The following NPAS3 variants were observed in gnomAD, a reference collection of about 807,000 sequenced individuals.
NPAS3 encodes the protein neuronal PAS domain-containing protein 3.
In NPAS3, 14 loss-of-function variants were observed where a neutral mutation model predicts 73.1. The ratio of observed to expected loss-of-function variants is 0.19; its 90% CI spans 0.13 to 0.30. The LOEUF is 0.30. Among genes scored for constraint, NPAS3 ranks in the 10% least tolerant of loss-of-function variants. The pLI, the probability that NPAS3 is intolerant of heterozygous loss-of-function variation, is 1.00. For missense variants in NPAS3, 1,096 were observed against 1,250.0 expected (o/e 0.88, Z 1.86); for synonymous variants, 620 against 541.5 (o/e 1.14, Z -2.01).
intron 4 of NPAS3, among the ~76,000 whole-genome samples, chr14:33,533,894 G>A (rs1276493222): frequency 2.6e-5 from 4 of 151,844 alleles, no homozygotes; most frequent in Admixed American, 2.6e-4. Flanking sequence ...ATATATAAAT[G>A]TATATGACAA....
At chr14:33,172,215 G>A (rs2045417412) in intron 2 of NPAS3, among the ~76,000 whole-genome samples, 1 of 152,138 alleles carries the variant, frequency 6.6e-6, no homozygotes, top group African/African-American at 2.4e-5. Context: ...TTGGAAAGAT[G>A]GCACCGACAG....
chr14:33,458,842 G>T (rs1837513), intron 4 of NPAS3, among the ~76,000 whole-genome samples: 8 of 152,104 alleles, frequency 5.3e-5, no homozygotes, highest in Admixed American at 5.2e-4. Flanking sequence ...TACAGGAAAG[G>T]GGTCCCGATC....
At chr14:33,110,295 C>G (rs1012229336) in intron 2 of NPAS3, among the ~76,000 whole-genome samples, 10 of 152,086 alleles carry the variant, frequency 6.6e-5, no homozygotes, top group African/African-American at 2.4e-4. Flanking sequence ...ATTTAATATG[C>G]AATGAGTAAC....
intron 5 of NPAS3, among the ~76,000 whole-genome samples, chr14:33,646,502 T>C (rs1392447345): frequency 6.6e-6 from 1 of 152,218 alleles, no homozygotes; most frequent in Admixed American, 6.5e-5. Flanking sequence ...CTAGTATCTA[T>C]ATAATTCATA....
intron 2 of NPAS3, among the ~76,000 whole-genome samples, chr14:33,124,752 C>T (rs2043363133): frequency 6.6e-6 from 1 of 152,112 alleles, no homozygotes; most frequent in Non-Finnish European, 1.5e-5. Context: ...GGGCAAGACA[C>T]TGTCTTTTAA....
intron 3 of NPAS3, among the ~76,000 whole-genome samples, chr14:33,273,169 C>A (rs1020211250): frequency 6.6e-6 from 1 of 152,052 alleles, no homozygotes; most frequent in African/African-American, 2.4e-5. Context: ...TGTGGGCTGT[C>A]CCCTGACTCC....
intron 2 of NPAS3, among the ~76,000 whole-genome samples, chr14:33,172,639 GGCA>G (rs2045435618): frequency 6.6e-6 from 1 of 152,030 alleles, no homozygotes; most frequent in Admixed American, 6.6e-5. Flanking sequence ...GGGGGGCTGA[GGCA>G]GAAGAATAGC....
chr14:33,354,233 C>T (rs1392891190), intron 3 of NPAS3, among the ~76,000 whole-genome samples: 9 of 152,206 alleles, frequency 5.9e-5, no homozygotes, highest in South Asian at 2.1e-4. Context: ...AGAGTCATCC[C>T]TTACTCTCCT....
chr14:33,700,723 T>C (rs946165971), intron 6 of NPAS3, among the ~76,000 whole-genome samples: 5 of 152,228 alleles, frequency 3.3e-5, no homozygotes, highest in East Asian at 3.9e-4. Context: ...CTTCTCTAGA[T>C]AGTGATTGCG....
At chr14:33,171,649 A>C (rs894691272) in intron 2 of NPAS3, among the ~76,000 whole-genome samples, 2 of 152,188 alleles carry the variant, frequency 1.3e-5, no homozygotes, top group Non-Finnish European at 2.9e-5. Context: ...TTCTGTCACT[A>C]AAACTTTCTC....
chr14:33,389,746 A>G (rs2046921375), intron 4 of NPAS3, among the ~76,000 whole-genome samples: 1 of 152,182 alleles, frequency 6.6e-6, no homozygotes, highest in African/African-American at 2.4e-5. Context: ...CTAAAATGTG[A>G]TTAGCTTTCT....
chr14:33,178,085 T>G (rs1171927614), intron 2 of NPAS3, among the ~76,000 whole-genome samples: 2 of 149,150 alleles, frequency 1.3e-5, no homozygotes, highest in South Asian at 4.4e-4. Context: ...TTTTGTTTTT[T>G]TTTTTTTGGA....
chr14:33,519,494 A>G (rs760694455), intron 4 of NPAS3, among the ~76,000 whole-genome samples: 2 of 152,150 alleles, frequency 1.3e-5, no homozygotes, highest in Non-Finnish European at 2.9e-5. Flanking sequence ...AGAAGAAGCT[A>G]GCATGGGATT....
intron 3 of NPAS3, among the ~76,000 whole-genome samples, chr14:33,328,576 C>G (rs1832040057): frequency 6.9e-6 from 1 of 145,024 alleles, no homozygotes; most frequent in Non-Finnish European, 1.5e-5. Flanking sequence ...AAGCGATTCT[C>G]CTGCCTCAGT....
At chr14:33,767,799 A>G (rs1399619390) in intron 7 of NPAS3, among the ~76,000 whole-genome samples, 1 of 152,162 alleles carries the variant, frequency 6.6e-6, no homozygotes, top group Non-Finnish European at 1.5e-5. Flanking sequence ...TTTTTCCGTC[A>G]TGGACTTTCT....
At chr14:33,231,799 T>C (rs2047861218) in intron 3 of NPAS3, among the ~76,000 whole-genome samples, 1 of 152,186 alleles carries the variant, frequency 6.6e-6, no homozygotes, top group South Asian at 2.1e-4. Context: ...GTTCAAAGAC[T>C]CTTTAAGTAA....
chr14:33,336,298 A>G lies in NPAS3; in HGVS notation c.386-30888A>G, dbSNP rs73256891. Among the ~76,000 whole-genome samples, 235 of 152,304 alleles carry G rather than the reference A, an allele frequency of 1.5e-3. 2 individuals are homozygous for G. The highest frequency in any genetic ancestry group is 5.6e-3 in the African/African-American group (232 of 41,590). The stretch of plus-strand genomic sequence containing the variant: ...CTGTACAGGGTCTCACTGGGCTGAA[A>G]TTAAACTTGCATGGGACTGCAGTCT... On this transcript the variant is annotated intron_variant, in intron 3 of 11. Coordinates refer to ENST00000356141, the Ensembl canonical transcript of NPAS3.
Position 33,341,805 on chromosome 14 carries a change from G to T in NPAS3, c.386-25381G>T, listed in dbSNP as rs143358652. ...ATGTAGCACAGTTAGGTCCATAAAA[G>T]GTAAGAAATAATTTTGGAGAGATTA... is the stretch of plus-strand genomic sequence containing the variant. On this transcript the variant is annotated intron_variant, in intron 3 of 11. Transcript: ENST00000356141. Among the ~76,000 whole-genome samples the T allele has an allele frequency of 2.9e-4, 44 of 152,256 alleles. 1 individual carries two copies. The highest frequency in any genetic ancestry group is 1.0e-3 in the African/African-American group (42 of 41,558).
At chr14:33,200,431 G>A (rs574330376) in intron 2 of NPAS3, among the ~76,000 whole-genome samples, 1 of 152,112 alleles carries the variant, frequency 6.6e-6, no homozygotes, top group African/African-American at 2.4e-5. Context: ...TCTAAGTTCA[G>A]TTTCTTCATT....
Sources: gnomAD v4.1 joint callset for allele counts (sites outside exome capture counted in the v4.1 genomes callset) on GRCh38, gnomAD v4.1.1 for gene constraint, MANE v1.5 for transcripts, NCBI Gene and HGNC (gene_info 2026-07-23, HGNC 2026-07-21) for gene names.